Variants in GPATCH2L observed in about 807,000 individuals in gnomAD.
The protein encoded by GPATCH2L is G patch domain-containing protein 2-like.
GPATCH2L carries 31 observed loss-of-function variants against 57.4 expected under a neutral mutation model. The ratio of observed to expected loss-of-function variants is 0.54; its 90% CI spans 0.41 to 0.73. The LOEUF is 0.73. Ranked by LOEUF, GPATCH2L falls within the 30% of genes least tolerant of loss-of-function variation. The probability of loss-of-function intolerance (pLI) is 0.00; values close to 1 mark genes in which losing one functional copy is unlikely to be tolerated. For synonymous variants in GPATCH2L, 199 were observed against 210.7 expected, an observed-to-expected ratio of 0.94 and a Z score of 0.48; for missense variants, 481 against 599.9, an observed-to-expected ratio of 0.80 and a Z score of 2.07.
At chr14:76,217,500 A>G (rs1050423519), downstream of GPATCH2L, among the ~76,000 whole-genome samples, 2 of 152,076 alleles carry the variant, frequency 1.3e-5, no homozygotes, top group Non-Finnish European at 2.9e-5. Context: ...GGATGGGGAT[A>G]TAGACAATGG....
chr14:76,164,004 C>T (rs867045950), intron 2 of GPATCH2L, among the ~76,000 whole-genome samples: 3 of 152,212 alleles, frequency 2.0e-5, no homozygotes, highest in Middle Eastern at 3.4e-3. Flanking sequence ...GTGAACTGTA[C>T]GACTCTTGAG....
At chr14:76,195,379 AT>A (rs1299641191) in intron 8 of GPATCH2L, among the ~76,000 whole-genome samples, 4 of 152,196 alleles carry the variant, frequency 2.6e-5, no homozygotes, top group African/African-American at 9.6e-5. Context: ...CATAATTAAT[AT>A]TTTTAAAAGT....
chr14:76,154,272 C>A lies in GPATCH2L; in HGVS notation c.-10-82C>A. On this transcript the variant is annotated intron_variant, in intron 1 of 9. Transcript: ENST00000261530. The surrounding 1 kb of genome is among the most constrained non-coding windows in gnomAD (Gnocchi z 4.4). ...CCATGATCTGTTTCATCAAATTATT[C>A]CAAAACAACAGATCCTTTTTCAGGC... 2 of 1,210,688 alleles carry A rather than the reference C, an allele frequency of 1.7e-6. No homozygotes were observed. Among genetic ancestry groups the A allele is most frequent in the Non-Finnish European group, 1.2e-6 (1 of 865,462 alleles). 75.0% of individuals were successfully genotyped at this position (1,210,688 alleles called of 1,614,324 possible).
intron 8 of GPATCH2L, among the ~76,000 whole-genome samples, chr14:76,188,898 G>C (rs2039868182): frequency 6.6e-6 from 1 of 151,992 alleles, no homozygotes; most frequent in African/African-American, 2.4e-5. Flanking sequence ...AGAGATAGGG[G>C]TCTAGTTTCA....
intron 3 of GPATCH2L, among the ~76,000 whole-genome samples, chr14:76,169,825 C>T (rs1014298921): frequency 2.6e-5 from 4 of 152,232 alleles, no homozygotes; most frequent in South Asian, 4.1e-4. Context: ...TTATTATACA[C>T]TAATGCCTGT....
At chr14:76,183,992 G>A (rs2039670165) in intron 8 of GPATCH2L, among the ~76,000 whole-genome samples, 1 of 151,618 alleles carries the variant, frequency 6.6e-6, no homozygotes, top group African/African-American at 2.4e-5. Context: ...CACCTGGGCA[G>A]CATTGGAAAT....
intron 2 of GPATCH2L, among the ~76,000 whole-genome samples, chr14:76,233,251 C>G (rs1034022004): frequency 6.6e-6 from 1 of 152,138 alleles, no homozygotes; most frequent in Non-Finnish European, 1.5e-5. Context: ...CAAGACGAGA[C>G]CAATTTGTTT....
At chr14:76,165,500 A>C (rs1169709404) in intron 2 of GPATCH2L, among the ~76,000 whole-genome samples, 2 of 152,050 alleles carry the variant, frequency 1.3e-5, no homozygotes, top group Non-Finnish European at 1.5e-5. Context: ...CAAAAAAAAA[A>C]AAAAAGAAGA....
Position 76,207,473 on chromosome 14 carries a change from A to G in GPATCH2L, c.*5622A>G, listed in dbSNP as rs1432908787. On this transcript the variant is annotated 3_prime_UTR_variant, in exon 10 of 10. Coordinates refer to ENST00000261530, the MANE Select transcript of GPATCH2L (RefSeq NM_017926.4). The stretch of plus-strand genomic sequence containing the variant: ...TTAGATCTTAGTTTCAAGGGAAAGT[A>G]TCATGTATTTTCCAGCATGATAATG... 2 of 152,178 alleles carry G rather than the reference A, an allele frequency of 1.3e-5. No individual in the cohort carries two copies. The highest frequency in any genetic ancestry group is 2.9e-5 in the Non-Finnish European group (2 of 68,028). The allele number at this position is 152,178 out of a possible 1,614,324, so 9.4% of individuals were successfully genotyped here.
intron 2 of GPATCH2L, among the ~76,000 whole-genome samples, chr14:76,159,582 T>A (rs1233363357): frequency 6.6e-6 from 1 of 151,984 alleles, no homozygotes; most frequent in Non-Finnish European, 1.5e-5. Context: ...CATCTAACCC[T>A]CACTGCTTGA....
At position 76,170,006 on chromosome 14, in the gene GPATCH2L, T is replaced by G. The variant is rs2039013389; in HGVS notation, c.728-1837T>G. ...TGGAGTAAGGGCTCAGCAGTCCATGTTTTAACAAGCCCTCCTGCTGCTTCA... is the reference window on the plus strand; with the variant it reads ...TGGAGTAAGGGCTCAGCAGTCCATGGTTTAACAAGCCCTCCTGCTGCTTCA... On this transcript the variant is annotated intron_variant, in intron 3 of 9. Transcript: ENST00000261530. 3.3e-5 allele frequency among the ~76,000 whole-genome samples: 5 copies of G among 152,292 alleles called. No homozygotes were observed. The South Asian group carries it at 1.0e-3, about 32-fold the overall frequency.
intron 6 of GPATCH2L, among the ~76,000 whole-genome samples, chr14:76,177,150 A>G (rs866579309): frequency 6.6e-6 from 1 of 152,064 alleles, no homozygotes; most frequent in Non-Finnish European, 1.5e-5. Flanking sequence ...GGCTCAAGCA[A>G]TCCTCCCACT....
At chr14:76,160,906 C>T (rs1045787856) in intron 2 of GPATCH2L, among the ~76,000 whole-genome samples, 1 of 152,230 alleles carries the variant, frequency 6.6e-6, no homozygotes, top group Non-Finnish European at 1.5e-5. Flanking sequence ...GAGGAAAATT[C>T]TGTCTCTGCA....
chr14:76,195,877 G>T lies in GPATCH2L; in HGVS notation c.1194-1G>T. On this transcript the variant is annotated splice_acceptor_variant, in intron 8 of 9. Transcript: ENST00000261530. LOFTEE classifies it high-confidence loss of function. ...CATTTTTCTTCTTCTTACATCTGCA[G>T]ACAGGCAAATGTACACTGGGGACCA... 6.2e-7 allele frequency: 1 copy of T among 1,610,116 alleles called. No homozygotes were observed. The highest frequency in any genetic ancestry group is 1.1e-5 in the South Asian group (1 of 91,004).
intron 8 of GPATCH2L, among the ~76,000 whole-genome samples, chr14:76,181,196 G>A (rs2039547536): frequency 6.6e-6 from 1 of 152,170 alleles, no homozygotes; most frequent in African/African-American, 2.4e-5. Flanking sequence ...TACATGTACA[G>A]CCTCCTTTCG....
chr14:76,211,875 A>C lies in GPATCH2L; in HGVS notation c.*10024A>C, dbSNP rs1180793088. 1.3e-5 allele frequency: 2 copies of C among 152,184 alleles called. No individual in the cohort carries two copies. The highest frequency in any genetic ancestry group is 2.4e-5 in the African/African-American group (1 of 41,448). The allele number at this position is 152,184 out of a possible 1,614,324, so 9.4% of individuals were successfully genotyped here. A position where few individuals can be genotyped will look rare whatever the true frequency, so the allele number is the denominator to read the frequency against. ...ACTGCATAAAAGTGAAATAATTATG[A>C]GTTTTGGGCCAACATTTTTCCTGAA... is the stretch of plus-strand genomic sequence containing the variant. On this transcript the variant is annotated 3_prime_UTR_variant, in exon 10 of 10. Coordinates refer to ENST00000261530, the MANE Select transcript of GPATCH2L (RefSeq NM_017926.4).
chr14:76,171,346 G>A (rs531808982), intron 3 of GPATCH2L, among the ~76,000 whole-genome samples: 14 of 151,856 alleles, frequency 9.2e-5, no homozygotes, highest in East Asian at 1.9e-4. Flanking sequence ...AGGCCGAGGC[G>A]GGTGGATCAG....
intron 1 of GPATCH2L, among the ~76,000 whole-genome samples, chr14:76,223,022 C>CCCAGT (rs2040522636): frequency 6.6e-6 from 1 of 151,670 alleles, no homozygotes; most frequent in African/African-American, 2.4e-5. Context: ...CAAAAAAATC[C>CCCAGT]CCAGTCCAGA....
At chr14:76,160,446 C>CT (rs1389652670) in intron 2 of GPATCH2L, among the ~76,000 whole-genome samples, 1 of 152,106 alleles carries the variant, frequency 6.6e-6, no homozygotes, top group Non-Finnish European at 1.5e-5. Flanking sequence ...CGCCCTAAAA[C>CT]TTAGTAGCTC....
Sources: allele counts gnomAD v4.1 joint callset (sites outside exome capture counted in the v4.1 genomes callset), GRCh38; gene constraint gnomAD v4.1.1; non-coding constraint Gnocchi (gnomAD v3.1); transcripts MANE v1.5; gene names NCBI Gene and HGNC (gene_info 2026-07-23, HGNC 2026-07-21).